Variants in ZCCHC2 observed in about 807,000 individuals in gnomAD.
The protein encoded by ZCCHC2 is zinc finger CCHC-type containing 2, also known as zinc finger CCHC domain-containing protein 2.
ZCCHC2 carries 39 observed loss-of-function variants against 103.6 expected under a neutral mutation model. The ratio of observed to expected loss-of-function variants is 0.38; its 90% confidence interval spans 0.29 to 0.49. The LOEUF is 0.49. ZCCHC2 is among the 20% of genes least tolerant of loss of function. ZCCHC2 has a pLI of 0.96. For synonymous variants in ZCCHC2, 687 were observed against 608.9 expected (o/e 1.13, Z -1.89); for missense variants, 1,483 against 1,491.0 (o/e 0.99, Z 0.09).
chr18:62,539,011 T>TA (rs1160991830), intron 1 of ZCCHC2, among the ~76,000 whole-genome samples: 1 of 149,928 alleles, frequency 6.7e-6, no homozygotes, highest in Admixed American at 6.7e-5. Context: ...AATATGATGT[T>TA]GTAACAGTTT....
rs1233886225 is a variant in ZCCHC2, at chr18:62,574,889, C to T, written c.2808C>T (p.Leu936=). 2 of 1,613,864 alleles carry T rather than the reference C, an allele frequency of 1.2e-6. No homozygotes were observed. The highest frequency in any genetic ancestry group is 1.7e-6 in the Non-Finnish European group (2 of 1,179,896). The change falls in exon 13 of 14, where the codon CTC becomes CTT. Residue 936 remains leucine (L), a synonymous_variant. Transcript: ENST00000269499. ...GVLPSQNSSV[L]STAATSPQPA... ...TACCCAGCCAGAACTCCAGTGTGCTCAGCACAGCAGCAACTTCTCCCCAGC... is the reference window on the plus strand; with the variant it reads ...TACCCAGCCAGAACTCCAGTGTGCTTAGCACAGCAGCAACTTCTCCCCAGC...
intron 6 of ZCCHC2, among the ~76,000 whole-genome samples, chr18:62,557,060 C>T (rs1262697680): frequency 6.6e-6 from 1 of 152,184 alleles, no homozygotes; most frequent in Non-Finnish European, 1.5e-5. Context: ...TTTGTCATAG[C>T]CCATTAAAAT....
intron 12 of ZCCHC2, among the ~76,000 whole-genome samples, chr18:62,573,563 A>C (rs180956018): frequency 1.5e-4 from 23 of 152,334 alleles, no homozygotes; most frequent in East Asian, 7.7e-4. Flanking sequence ...ATTCTAAAAA[A>C]AACAACAACA....
intron 4 of ZCCHC2, among the ~76,000 whole-genome samples, chr18:62,545,227 A>G (rs183478818): frequency 6.7e-6 from 1 of 150,086 alleles, no homozygotes; most frequent in Admixed American, 6.6e-5. Context: ...CTCTATTTGA[A>G]AAAAAAAAAG....
chr18:62,581,877 A>C (rs1917045706), downstream of ZCCHC2: 1 of 179,052 alleles, frequency 5.6e-6, no homozygotes, highest in South Asian at 9.2e-5. Context: ...AGATGGTGTC[A>C]CAGTGCTGTG....
chr18:62,534,624 A>G lies in ZCCHC2; in HGVS notation c.940-5057A>G, dbSNP rs554077771. ...ATAACATAAATGTTGGGGAATTTTT[A>G]TGTTTCTTGTTAGAAATGTCTAAAT... is the stretch of plus-strand genomic sequence containing the variant. On this transcript the variant is annotated intron_variant, in intron 1 of 13. Coordinates refer to ENST00000269499, the MANE Select transcript of ZCCHC2 (RefSeq NM_017742.6). 4.4e-3 allele frequency among the ~76,000 whole-genome samples: 666 copies of G among 152,290 alleles called. 9 individuals carry two copies. Among genetic ancestry groups the G allele is most frequent in the African/African-American group, 0.015 (620 of 41,554 alleles).
chr18:62,544,939 T>G lies in ZCCHC2; in HGVS notation c.1200+66T>G, dbSNP rs1355272396. ...TATACAGAATCCAGAAACCTCAACG[T>G]CAAAAAAACACCAGGAAAATTAAAA... On this transcript the variant is annotated intron_variant, in intron 4 of 13. Coordinates refer to ENST00000269499, the MANE Select transcript of ZCCHC2 (RefSeq NM_017742.6). The G allele has an allele frequency of 2.4e-6, 3 of 1,270,142 alleles. No individual in the cohort carries two copies. In the African/African-American group the frequency reaches 4.7e-5, roughly 20 times the overall value. 78.7% of individuals were successfully genotyped at this position (1,270,142 alleles called of 1,614,324 possible).
intron 1 of ZCCHC2, among the ~76,000 whole-genome samples, chr18:62,539,073 C>T (rs1915060568): frequency 6.6e-6 from 1 of 152,140 alleles, no homozygotes; most frequent in African/African-American, 2.4e-5. Flanking sequence ...TTGGCATCAC[C>T]TTTATTACTC....
exon 15 of ZCCHC2, chr18:62,585,478 G>A (rs1304914012): frequency 1.3e-5 from 2 of 152,272 alleles, no homozygotes; most frequent in African/African-American, 4.8e-5. Context: ...AAGCCCTGCT[G>A]AAGGTGAAGA....
In ZCCHC2 at chr18:62,574,465, T is replaced by C; in HGVS notation, c.2384T>C (p.Ile795Thr). 1 of 1,613,962 alleles carries C rather than the reference T, an allele frequency of 6.2e-7. No individual in the cohort carries two copies. Among genetic ancestry groups the C allele is most frequent in the Non-Finnish European group, 8.5e-7 (1 of 1,179,892 alleles). Residue 795 changes from isoleucine (I) to threonine (T), a missense_variant, in exon 13 of 14, where the codon ATT (isoleucine) becomes ACT (threonine). This residue lies in a region of ZCCHC2 where 884 missense variants were observed against 907.5 expected (regional missense o/e 0.97). Coordinates refer to ENST00000269499, the MANE Select transcript of ZCCHC2 (RefSeq NM_017742.6). ...GAGTTACTGGCTTCCCCTTTACCTA[T>C]TCCATCAACCTTCCTTCCACACAGT... Reference protein sequence around the residue: ...HLELLASPLPIPSTFLPHSST... With the variant: ...HLELLASPLPTPSTFLPHSST...
chr18:62,542,783 A>T (rs1311732274), intron 3 of ZCCHC2, among the ~76,000 whole-genome samples: 1 of 152,332 alleles, frequency 6.6e-6, no homozygotes, highest in African/African-American at 2.4e-5. Context: ...CTATTTTATT[A>T]AAAAGAAGTA....
intron 12 of ZCCHC2, 132 bp from the exon 13 acceptor site, chr18:62,573,925 T>G: frequency 1.5e-5 from 14 of 907,798 alleles, no homozygotes; most frequent in Non-Finnish European, 2.3e-5. Flanking sequence ...GGAGGTCAGC[T>G]TGGACAGTCA....
At chr18:62,568,319 A>T (rs1598962076) in intron 11 of ZCCHC2, among the ~76,000 whole-genome samples, 1 of 152,176 alleles carries the variant, frequency 6.6e-6, no homozygotes, top group Non-Finnish European at 1.5e-5. Context: ...TAAAAGGGCA[A>T]TTTGTGGAGT....
intron 13 of ZCCHC2, among the ~76,000 whole-genome samples, 157 bp from the exon 14 acceptor site, chr18:62,576,354 AC>A (rs1202485093): frequency 6.6e-6 from 1 of 152,250 alleles, no homozygotes; most frequent in Non-Finnish European, 1.5e-5. Context: ...CACAAACTTT[AC>A]ATTGCTTTTT....
At chr18:62,544,972 A>G in intron 4 of ZCCHC2, 99 bp downstream of exon 4, 1 of 989,210 alleles carries the variant, frequency 1.0e-6, no homozygotes, top group South Asian at 1.7e-5. Context: ...AAACATACAG[A>G]TAAAGGTTGG....
chr18:62,544,616 G>A (rs1348205888), intron 3 of ZCCHC2, among the ~76,000 whole-genome samples, 186 bp from the exon 4 acceptor site: 1 of 152,282 alleles, frequency 6.6e-6, no homozygotes, highest in Non-Finnish European at 1.5e-5. Flanking sequence ...TTTTTGAGTA[G>A]CGTATGTCAA....
downstream of ZCCHC2, among the ~76,000 whole-genome samples, chr18:62,583,345 C>T (rs934991823): frequency 5.3e-5 from 8 of 150,826 alleles, no homozygotes; most frequent in East Asian, 5.9e-4. Flanking sequence ...CGAGTCATAA[C>T]GGTCATGATT....
At chr18:62,554,963 A>G (rs541814555) in intron 5 of ZCCHC2, among the ~76,000 whole-genome samples, 2 of 152,322 alleles carry the variant, frequency 1.3e-5, no homozygotes, top group African/African-American at 4.8e-5. Flanking sequence ...AATTAATCTG[A>G]ATAATAGGTC....
At position 62,556,233 on chromosome 18, in the gene ZCCHC2, TC is replaced by T; in HGVS notation, c.1345del (p.Leu449TyrfsTer28). 6.2e-7 allele frequency: 1 copy of T among 1,605,342 alleles called. No homozygotes were observed. The highest frequency in any genetic ancestry group is 8.5e-7 in the Non-Finnish European group (1 of 1,175,528). On this transcript the variant is annotated frameshift_variant, in exon 6 of 14. Coordinates refer to ENST00000269499, the MANE Select transcript of ZCCHC2 (RefSeq NM_017742.6). LOFTEE classifies it high-confidence loss of function. ...TATTTTCAAGTTCATCACAAGCTTT[TC>T]TACAAAGTCAGAAAGTACACAGCTT... ...QLFSSSSQAF[L>X]QSQKVHSFFQ...
Sources: allele counts gnomAD v4.1 joint callset (sites outside exome capture counted in the v4.1 genomes callset), GRCh38; gene constraint gnomAD v4.1.1; regional missense constraint gnomAD v4.1.1; transcripts MANE v1.5; gene names NCBI Gene and HGNC (gene_info 2026-07-23, HGNC 2026-07-21).